The following MAP4K5 variants were observed in gnomAD, a reference collection of about 807,000 sequenced individuals.
The protein encoded by MAP4K5 is MAPK/ERK kinase kinase kinase 5.
In MAP4K5, 82 loss-of-function variants were observed where a neutral mutation model predicts 135.6. That is an observed-to-expected ratio of 0.60 (90% confidence interval 0.51 to 0.73). The LOEUF (loss-of-function observed/expected upper bound fraction) is 0.73. Ranked by LOEUF, MAP4K5 falls within the 30% of genes least tolerant of loss-of-function variation. The pLI, the probability that MAP4K5 is intolerant of heterozygous loss-of-function variation, is 0.00. For missense variants in MAP4K5, 907 were observed against 1,010.9 expected (o/e 0.90, Z 1.39); for synonymous variants, 347 against 335.0 (o/e 1.04, Z -0.39).
intron 2 of MAP4K5, among the ~76,000 whole-genome samples, chr14:50,541,013 T>C (rs2038554054): frequency 6.6e-6 from 1 of 152,262 alleles, no homozygotes; most frequent in Non-Finnish European, 1.5e-5. Context: ...TAGTCATAGT[T>C]GTGGTTCCAC....
chr14:50,504,811 T>G lies in MAP4K5; in HGVS notation c.155A>C (p.Lys52Thr). 6.4e-7 allele frequency: 1 copy of G among 1,556,780 alleles called. No individual in the cohort carries two copies. The highest frequency in any genetic ancestry group is 1.2e-5 in the South Asian group (1 of 83,684). The change falls in exon 3 of 33, where the codon AAA becomes ACA. Residue 52 changes from lysine (K) to threonine (T), a missense_variant. Lys to Thr is a moderately conservative substitution (Grantham distance 78). Transcript: ENST00000682126. ...GTTTTAACACATACCAGGCTCCAAT[T>G]TAATGATTTTTACTGCAGCCAGCTC... ...TGELAAVKII[K>T]LEPGDDFSLI...
At chr14:50,460,984 G>C (rs1179379511) in intron 13 of MAP4K5, among the ~76,000 whole-genome samples, 2 of 151,916 alleles carry the variant, frequency 1.3e-5, no homozygotes, top group African/African-American at 4.8e-5. Context: ...CCTAATACTT[G>C]GCATACATTG....
At chr14:50,432,244 CTG>C (rs1340951679) in intron 28 of MAP4K5, among the ~76,000 whole-genome samples, 1 of 152,068 alleles carries the variant, frequency 6.6e-6, no homozygotes. Context: ...AAGGTATAGC[CTG>C]TTTGTTCAAC....
chr14:50,432,174 A>G (rs1344220951), intron 28 of MAP4K5, among the ~76,000 whole-genome samples: 1 of 152,262 alleles, frequency 6.6e-6, no homozygotes, highest in African/African-American at 2.4e-5. Flanking sequence ...ATAATAAATC[A>G]GACTGAGCCT....
At chr14:50,439,934 A>G in intron 23 of MAP4K5, 79 bp downstream of exon 23, 4 of 1,273,176 alleles carry the variant, frequency 3.1e-6, no homozygotes, top group Non-Finnish European at 4.3e-6. Context: ...AGAATTACAA[A>G]TAACATTTAA....
chr14:50,442,237 G>A (rs779053763), intron 21 of MAP4K5, among the ~76,000 whole-genome samples: 2 of 151,948 alleles, frequency 1.3e-5, no homozygotes, highest in Admixed American at 6.6e-5. Context: ...TTCCACAAAT[G>A]TTGAACATTT....
chr14:50,470,102 G>GA (rs2036924166), intron 9 of MAP4K5, among the ~76,000 whole-genome samples: 1 of 152,166 alleles, frequency 6.6e-6, no homozygotes, highest in Non-Finnish European at 1.5e-5. Flanking sequence ...AAGAGGCTGA[G>GA]GTGGAGCCCA....
intron 30 of MAP4K5, among the ~76,000 whole-genome samples, chr14:50,427,227 G>C (rs2035867015): frequency 6.6e-6 from 1 of 152,086 alleles, no homozygotes; most frequent in Non-Finnish European, 1.5e-5. Context: ...AAAAGTTGAG[G>C]TATCAGTGTG....
chr14:50,451,664 GT>G (rs61195840), intron 14 of MAP4K5, among the ~76,000 whole-genome samples: 19 of 147,438 alleles, frequency 1.3e-4, no homozygotes, highest in African/African-American at 3.5e-4. Context: ...TATGTTACAG[GT>G]TTTTTTTTTC....
chr14:50,473,261 A>C (rs576335272), intron 9 of MAP4K5, among the ~76,000 whole-genome samples: 1 of 152,202 alleles, frequency 6.6e-6, no homozygotes, highest in Admixed American at 6.5e-5. Context: ...CTCAGGTAAA[A>C]AGTTTTGGTT....
chr14:50,560,270 C>T, intron 1 of MAP4K5: 1 of 1,613,970 alleles, frequency 6.2e-7, no homozygotes, highest in Non-Finnish European at 8.5e-7. Context: ...ACCACCATGG[C>T]CAAGAACCGC....
upstream of MAP4K5, among the ~76,000 whole-genome samples, chr14:50,534,081 A>G (rs1373935722): frequency 6.6e-6 from 1 of 152,172 alleles, no homozygotes; most frequent in Admixed American, 6.5e-5. Context: ...CAAATGTTCT[A>G]TTGGTATCTT....
chr14:50,547,423 G>A (rs997786010), intron 1 of MAP4K5, among the ~76,000 whole-genome samples: 22 of 152,198 alleles, frequency 1.4e-4, no homozygotes, highest in Admixed American at 1.4e-3. Context: ...GTGGACCTCT[G>A]TGAGCTGAAT....
At chr14:50,492,034 A>G (rs1294321141) in intron 3 of MAP4K5, among the ~76,000 whole-genome samples, 4 of 152,142 alleles carry the variant, frequency 2.6e-5, no homozygotes, top group Non-Finnish European at 4.4e-5. Context: ...CAAAAAGTAT[A>G]TTAGTGAGTA....
intron 28 of MAP4K5, among the ~76,000 whole-genome samples, chr14:50,432,016 CA>C (rs1196113646): frequency 6.6e-6 from 1 of 152,114 alleles, no homozygotes; most frequent in Admixed American, 6.6e-5. Context: ...GTGAAGAATC[CA>C]TATCTACAGA....
intron 13 of MAP4K5, 63 bp downstream of exon 13, chr14:50,462,602 A>C: frequency 8.8e-7 from 1 of 1,142,798 alleles, no homozygotes; most frequent in South Asian, 1.3e-5. Flanking sequence ...AAGAAAAAAA[A>C]GCAAACTTTA....
intron 5 of MAP4K5, among the ~76,000 whole-genome samples, chr14:50,484,696 T>C (rs1274190498): frequency 2.0e-5 from 3 of 152,170 alleles, no homozygotes; most frequent in Non-Finnish European, 2.9e-5. Context: ...AAGAGTAGTT[T>C]ATTTAACCAC....
chr14:50,459,851 C>G (rs1243136301), intron 13 of MAP4K5, among the ~76,000 whole-genome samples: 1 of 151,996 alleles, frequency 6.6e-6, no homozygotes, highest in Non-Finnish European at 1.5e-5. Context: ...GCGTGTGCCA[C>G]CATGCCCAGC....
chr14:50,556,143 C>CT (rs141354515), intron 1 of MAP4K5, among the ~76,000 whole-genome samples: 1,695 of 152,270 alleles, frequency 0.011, 27 homozygotes, highest in African/African-American at 0.038. Flanking sequence ...TGACTTTTGA[C>CT]TTTTTAAAAA....
Sources: allele counts gnomAD v4.1 joint callset (sites outside exome capture counted in the v4.1 genomes callset), GRCh38; gene constraint gnomAD v4.1.1; transcripts MANE v1.5; gene names NCBI Gene and HGNC (gene_info 2026-07-23, HGNC 2026-07-21).